Variants in METTL15 observed in about 807,000 individuals in gnomAD.
METTL15 encodes 12S rRNA N(4)-cytidine methyltransferase METTL15.
Under a neutral mutation model 38.3 loss-of-function variants are expected in METTL15, and 34 were observed. That is an observed-to-expected ratio of 0.89 (90% CI 0.68 to 1.18). The LOEUF (loss-of-function observed/expected upper bound fraction) is 1.18. METTL15 is among the 50% of genes most tolerant of loss of function. The pLI is 0.00. For synonymous variants in METTL15, 162 were observed against 170.9 expected (o/e 0.95, Z 0.41); for missense variants, 438 against 498.4 (o/e 0.88, Z 1.15).
intron 6 of METTL15, among the ~76,000 whole-genome samples, chr11:28,430,294 C>G (rs1212931811): frequency 7.1e-6 from 1 of 140,354 alleles, no homozygotes. Context: ...AGCCCCCCCG[C>G]CCGGCCAGCC....
At chr11:28,136,326 C>T (rs1318853213) in intron 3 of METTL15, among the ~76,000 whole-genome samples, 1 of 152,108 alleles carries the variant, frequency 6.6e-6, no homozygotes, top group Non-Finnish European at 1.5e-5. Flanking sequence ...CTCACGAGAT[C>T]TGATGGTTTT....
chr11:28,504,640 A>T (rs894951955), intron 6 of METTL15, among the ~76,000 whole-genome samples: 11 of 152,236 alleles, frequency 7.2e-5, no homozygotes, highest in Admixed American at 2.0e-4. Flanking sequence ...AAACAAGTAA[A>T]CTGAGAAAAA....
At position 28,498,072 on chromosome 11, in the gene METTL15, G is replaced by A. The variant is rs552480746; in HGVS notation, c.*425-28406G>A. Among the ~76,000 whole-genome samples, 443 of 150,884 alleles carry A rather than the reference G, an allele frequency of 2.9e-3. 6 individuals carry two copies. The highest frequency in any genetic ancestry group is 0.01 in the African/African-American group (428 of 41,096). ...GTTTCAAAAAAAAAAAAAAGGAGGG[G>A]TGGATGCAAAGTCATTCAGGAAGGC... On this transcript the variant is annotated intron_variant and NMD_transcript_variant, in intron 6 of 7. Transcript: ENST00000532947.
At chr11:28,479,625 A>C (rs79876172) in intron 6 of METTL15, among the ~76,000 whole-genome samples, 6,216 of 152,220 alleles carry the variant, frequency 0.041, 421 homozygotes, top group African/African-American at 0.14. Context: ...GTCCATCTTC[A>C]TCAGCCTCAA....
intron 4 of METTL15, among the ~76,000 whole-genome samples, chr11:28,212,144 C>G (rs566551993): frequency 1.3e-5 from 2 of 151,994 alleles, no homozygotes; most frequent in African/African-American, 2.4e-5. Context: ...TTTACAGCCT[C>G]TTTCTGGTCC....
chr11:28,498,942 G>C (rs958058892), intron 6 of METTL15, among the ~76,000 whole-genome samples: 14 of 152,186 alleles, frequency 9.2e-5, no homozygotes, highest in African/African-American at 3.4e-4. Context: ...AGAATATTCA[G>C]AGTGGTAGAA....
chr11:28,527,706 G>T (rs1281756289), downstream of METTL15, among the ~76,000 whole-genome samples: 1 of 152,214 alleles, frequency 6.6e-6, no homozygotes, highest in Non-Finnish European at 1.5e-5. Flanking sequence ...CCCCAAGGAA[G>T]TGATAATTGA....
chr11:28,135,161 A>G (rs1849474306), intron 3 of METTL15, among the ~76,000 whole-genome samples: 1 of 152,254 alleles, frequency 6.6e-6, no homozygotes, highest in Non-Finnish European at 1.5e-5. Flanking sequence ...GTTTTGAAGC[A>G]TAATTTTTCT....
rs200464366 is a variant in METTL15, at chr11:28,348,684, G to A, written c.*190-3406G>A. Among the ~76,000 whole-genome samples the A allele has an allele frequency of 2.5e-4, 3 of 12,138 alleles. No homozygotes were observed. In the South Asian group the frequency reaches 5.4e-3, roughly 22 times the overall value. 8.0% of individuals were successfully genotyped at this position (12,138 alleles called of 152,430 possible). A position where few individuals can be genotyped will look rare whatever the true frequency, so the allele number is the denominator to read the frequency against. On this transcript the variant is annotated intron_variant and NMD_transcript_variant, in intron 3 of 7. Transcript: ENST00000532947. ...CACTGAACTTTGTCTATCCATTTAT[G>A]TATGTATGTATGTATGTATGTATGT... is the stretch of plus-strand genomic sequence containing the variant.
At chr11:28,465,530 C>T (rs576793738) in intron 6 of METTL15, among the ~76,000 whole-genome samples, 2 of 152,278 alleles carry the variant, frequency 1.3e-5, no homozygotes, top group South Asian at 4.1e-4. Context: ...CTCTCATACT[C>T]AAAATCTCTA....
intron 6 of METTL15, among the ~76,000 whole-genome samples, chr11:28,479,557 T>C (rs1455178087): frequency 6.6e-6 from 1 of 152,216 alleles, no homozygotes. Flanking sequence ...AAAGGTTTTG[T>C]AGTAATCCTG....
chr11:28,416,590 A>ATCT (rs1280442822), intron 5 of METTL15, among the ~76,000 whole-genome samples: 1 of 152,216 alleles, frequency 6.6e-6, no homozygotes, highest in Non-Finnish European at 1.5e-5. Context: ...GGTATAGGTG[A>ATCT]ATTGCCCATT....
intron 4 of METTL15, among the ~76,000 whole-genome samples, chr11:28,272,577 C>T (rs530225088): frequency 5.3e-5 from 8 of 152,070 alleles, no homozygotes; most frequent in South Asian, 2.1e-4. Flanking sequence ...AGGGGGTGTG[C>T]GTTCAGGACA....
chr11:28,263,942 T>C (rs1433017816), intron 4 of METTL15, among the ~76,000 whole-genome samples: 1 of 152,116 alleles, frequency 6.6e-6, no homozygotes, highest in East Asian at 1.9e-4. Context: ...AAGGATCATG[T>C]AATATGTCTT....
At chr11:28,322,494 G>T (rs1025336742) in intron 6 of METTL15, among the ~76,000 whole-genome samples, 1 of 152,112 alleles carries the variant, frequency 6.6e-6, no homozygotes, top group Non-Finnish European at 1.5e-5. Flanking sequence ...ACTAGTCAGG[G>T]TTAAAGAGTG....
intron 6 of METTL15, among the ~76,000 whole-genome samples, chr11:28,524,968 C>T (rs538850153): frequency 2.0e-5 from 3 of 152,104 alleles, no homozygotes; most frequent in Admixed American, 6.5e-5. Flanking sequence ...TTCATGGTCT[C>T]GCTGGCTCAG....
chr11:28,197,769 T>A (rs559924040), intron 3 of METTL15, among the ~76,000 whole-genome samples: 1 of 152,262 alleles, frequency 6.6e-6, no homozygotes, highest in African/African-American at 2.4e-5. Context: ...CACTTGTATG[T>A]ATTGATCTGC....
At chr11:28,503,204 T>C (rs1431634072) in intron 6 of METTL15, among the ~76,000 whole-genome samples, 1 of 152,190 alleles carries the variant, frequency 6.6e-6, no homozygotes, top group Non-Finnish European at 1.5e-5. Context: ...CACACCTCAC[T>C]TGTGCTCACA....
intron 3 of METTL15, among the ~76,000 whole-genome samples, chr11:28,183,792 T>TC (rs1851387733): frequency 6.6e-6 from 1 of 152,098 alleles, no homozygotes; most frequent in Admixed American, 6.6e-5. Context: ...TAGGGAGGAT[T>TC]CCCTCTTTTT....
Sources: gnomAD v4.1 joint callset for allele counts (sites outside exome capture counted in the v4.1 genomes callset) on GRCh38, gnomAD v4.1.1 for gene constraint, MANE v1.5 for transcripts, NCBI Gene and HGNC (gene_info 2026-07-23, HGNC 2026-07-21) for gene names.